C8orf34: variants seen among roughly 807,000 people sequenced by gnomAD.
C8orf34 encodes the protein chromosome 8 open reading frame 34, also known as uncharacterized protein C8orf34.
Under a neutral mutation model 68.3 loss-of-function variants are expected in C8orf34, and 65 were observed. The observed-to-expected ratio is 0.95, with a 90% CI of 0.78 to 1.17. C8orf34 has a LOEUF of 1.17. C8orf34 is among the 50% of genes most tolerant of loss of function. The pLI, the probability that C8orf34 is intolerant of heterozygous loss-of-function variation, is 0.00. For missense variants in C8orf34, 664 were observed against 655.4 expected, an observed-to-expected ratio of 1.01 and a Z score of -0.14; for synonymous variants, 244 against 241.2, an observed-to-expected ratio of 1.01 and a Z score of -0.11.
intron 1 of C8orf34, among the ~76,000 whole-genome samples, chr8:68,346,017 C>A (rs184749121): frequency 6.6e-6 from 1 of 152,184 alleles, no homozygotes; most frequent in East Asian, 1.9e-4. Flanking sequence ...CCCTGTCCCC[C>A]ACATCTATGT....
At chr8:68,582,233 C>T (rs1817086854) in intron 7 of C8orf34, among the ~76,000 whole-genome samples, 1 of 152,078 alleles carries the variant, frequency 6.6e-6, no homozygotes, top group African/African-American at 2.4e-5. Flanking sequence ...TATGATCAGA[C>T]AAAGAGGGAA....
rs139739906 is a variant in C8orf34 at position 68,587,435 on chromosome 8, T to C, written c.1106-52941T>C. Among the ~76,000 whole-genome samples the C allele has an allele frequency of 8.7e-3, 1,325 of 152,226 alleles. 8 individuals are homozygous for C. The highest frequency in any genetic ancestry group is 0.015 in the Non-Finnish European group (1,012 of 67,994). ...TAGAATCTGTGTTGGTTAATAGATT[T>C]CAATCTAGACCTCAAGTGGAGCTCT... On this transcript the variant is annotated intron_variant, in intron 7 of 13. Transcript: ENST00000518698.
intron 1 of C8orf34, among the ~76,000 whole-genome samples, chr8:68,369,877 G>A (rs1336228300): frequency 6.6e-6 from 1 of 152,170 alleles, no homozygotes; most frequent in Non-Finnish European, 1.5e-5. Flanking sequence ...TAAGGGTTGA[G>A]CACTAGAGCA....
chr8:68,678,332 A>G (rs1820256586), intron 8 of C8orf34, among the ~76,000 whole-genome samples: 1 of 152,148 alleles, frequency 6.6e-6, no homozygotes, highest in Non-Finnish European at 1.5e-5. Flanking sequence ...TGATGCAAAA[A>G]TTCTCAACAA....
intron 4 of C8orf34, among the ~76,000 whole-genome samples, chr8:68,485,281 G>A (rs1340434250): frequency 6.6e-6 from 1 of 151,956 alleles, no homozygotes; most frequent in African/African-American, 2.4e-5. Context: ...GTGATATATT[G>A]CCACTATCTT....
intron 7 of C8orf34, among the ~76,000 whole-genome samples, chr8:68,541,167 A>G (rs1281780628): frequency 6.6e-6 from 1 of 152,164 alleles, no homozygotes; most frequent in Non-Finnish European, 1.5e-5. Flanking sequence ...TATCTGATAA[A>G]GAATTAGAGC....
chr8:68,587,421 T>A (rs1169938225), intron 7 of C8orf34, among the ~76,000 whole-genome samples: 1 of 152,124 alleles, frequency 6.6e-6, no homozygotes, highest in African/African-American at 2.4e-5. Flanking sequence ...AGAATCTGTG[T>A]TGGTTAATAG....
intron 2 of C8orf34, among the ~76,000 whole-genome samples, chr8:68,442,700 T>A (rs145236783): frequency 1.3e-3 from 197 of 152,266 alleles, no homozygotes; most frequent in African/African-American, 4.2e-3. Context: ...GATTCCATAT[T>A]ATGAGAAAAT....
chr8:68,512,579 A>T (rs1814323286), intron 5 of C8orf34, among the ~76,000 whole-genome samples: 1 of 152,210 alleles, frequency 6.6e-6, no homozygotes, highest in Non-Finnish European at 1.5e-5. Context: ...CAGAAATTTT[A>T]AATAAGTAAA....
chr8:68,411,135 G>C (rs1438935295), intron 1 of C8orf34, among the ~76,000 whole-genome samples: 2 of 151,996 alleles, frequency 1.3e-5, no homozygotes, highest in Non-Finnish European at 2.9e-5. Flanking sequence ...TGTTATTTTA[G>C]TAGAAGTTTG....
chr8:68,537,542 T>C lies in C8orf34; in HGVS notation c.1105+4393T>C, dbSNP rs1336741053. 2.6e-5 allele frequency among the ~76,000 whole-genome samples: 4 copies of C among 151,906 alleles called. No individual in the cohort carries two copies. The East Asian group carries it at 7.7e-4, about 29-fold the overall frequency. On this transcript the variant is annotated intron_variant, in intron 7 of 13. Transcript: ENST00000518698. ...CTTTCTTATGTCCTCCTTCCTGATATATTTTATAGGAGCACTTGAAAAATG... is the reference window on the plus strand; with the variant it reads ...CTTTCTTATGTCCTCCTTCCTGATACATTTTATAGGAGCACTTGAAAAATG...
At chr8:68,785,121 G>T (rs1043402793) in intron 11 of C8orf34, among the ~76,000 whole-genome samples, 1 of 151,728 alleles carries the variant, frequency 6.6e-6, no homozygotes, top group African/African-American at 2.4e-5. Flanking sequence ...GAGGCAGGAG[G>T]ATCACTTGGG....
intron 1 of C8orf34, among the ~76,000 whole-genome samples, chr8:68,397,000 T>C (rs1364786838): frequency 1.3e-5 from 2 of 152,042 alleles, no homozygotes; most frequent in Non-Finnish European, 2.9e-5. Context: ...AAAAAATTTT[T>C]ATTTTATTTA....
At chr8:68,401,522 T>C (rs1430906927) in intron 1 of C8orf34, among the ~76,000 whole-genome samples, 2 of 152,114 alleles carry the variant, frequency 1.3e-5, no homozygotes, top group Admixed American at 1.3e-4. Flanking sequence ...TTCTCATATA[T>C]GGCCTTGATT....
At chr8:68,642,143 T>C (rs1227396876) in intron 8 of C8orf34, among the ~76,000 whole-genome samples, 2 of 152,222 alleles carry the variant, frequency 1.3e-5, no homozygotes, top group Admixed American at 6.5e-5. Context: ...GTCTACCTAC[T>C]AGTCATTCTG....
chr8:68,801,952 A>G (rs1204103955), intron 12 of C8orf34, among the ~76,000 whole-genome samples: 6 of 152,016 alleles, frequency 3.9e-5, no homozygotes, highest in Non-Finnish European at 8.8e-5. Flanking sequence ...GTGCGTACAT[A>G]CATATCCACA....
intron 8 of C8orf34, among the ~76,000 whole-genome samples, chr8:68,654,572 C>CT (rs1246169222): frequency 6.6e-6 from 1 of 152,044 alleles, no homozygotes; most frequent in Non-Finnish European, 1.5e-5. Context: ...AATTTTATTG[C>CT]TTTTTTTGAC....
chr8:68,575,013 G>A (rs1267872723), intron 7 of C8orf34, among the ~76,000 whole-genome samples: 5 of 151,468 alleles, frequency 3.3e-5, no homozygotes, highest in Admixed American at 1.3e-4. Flanking sequence ...AAATATTAAT[G>A]CCATGGCTAG....
chr8:68,787,386 T>C, intron 11 of C8orf34, 57 bp from the exon 12 acceptor site: 5 of 1,204,560 alleles, frequency 4.2e-6, no homozygotes, highest in Middle Eastern at 1.9e-4. Flanking sequence ...ATTATCCACA[T>C]TAATGTTCAT....
Sources: allele counts gnomAD v4.1 joint callset (sites outside exome capture counted in the v4.1 genomes callset), GRCh38; gene constraint gnomAD v4.1.1; transcripts MANE v1.5; gene names NCBI Gene and HGNC (gene_info 2026-07-23, HGNC 2026-07-21).